NR2F1-AS1: variants seen among roughly 807,000 people sequenced by gnomAD.
NR2F1-AS1 encodes the protein NR2F1 antisense RNA 1.
At chr5:93,467,791 A>T (rs1210888191) in intron 4 of NR2F1-AS1, among the ~76,000 whole-genome samples, 2 of 152,144 alleles carry the variant, frequency 1.3e-5, no homozygotes, top group African/African-American at 4.8e-5. Flanking sequence ...CTCGTCATTT[A>T]TATTAGGTAT....
chr5:93,522,928 G>A (rs1751533191), intron 4 of NR2F1-AS1, among the ~76,000 whole-genome samples: 1 of 151,798 alleles, frequency 6.6e-6, no homozygotes, highest in African/African-American at 2.4e-5. Flanking sequence ...CGTTTGGGCA[G>A]ACACCAAGCT....
chr5:93,582,271 TAAAAA>T (rs752563970), upstream of NR2F1-AS1, among the ~76,000 whole-genome samples: 1 of 131,066 alleles, frequency 7.6e-6, no homozygotes, highest in Non-Finnish European at 1.7e-5. Flanking sequence ...AGCCAGGTGA[TAAAAA>T]AAAAAAAAAA....
upstream of NR2F1-AS1, chr5:93,584,626 G>C (rs1290370674): frequency 1.3e-5 from 2 of 148,540 alleles, no homozygotes; most frequent in African/African-American, 2.4e-5. Context: ...GCCGGGGGGT[G>C]GGGAGGGGGG....
In NR2F1-AS1 at chr5:93,500,469, G is replaced by GA. The variant is rs75891510; in HGVS notation, n.638+53291dup. On this transcript the variant is annotated intron_variant and non_coding_transcript_variant, in intron 4 of 5. Transcript: ENST00000660523. ...TTTCAATGAGACCCATTGCTCAGGG[G>GA]AAAAAAAAAAAGATTCCTCTCAAAA... Among the ~76,000 whole-genome samples, 179 of 143,830 alleles carry GA rather than the reference G, an allele frequency of 1.2e-3. 5 individuals carry two copies. In the South Asian group the frequency reaches 0.031, roughly 25 times the overall value. 94.4% of individuals were successfully genotyped at this position (143,830 alleles called of 152,430 possible). A position where few individuals can be genotyped will look rare whatever the true frequency, so the allele number is the denominator to read the frequency against.
At chr5:93,574,251 G>T (rs1432652773) in intron 1 of NR2F1-AS1, among the ~76,000 whole-genome samples, 1 of 152,206 alleles carries the variant, frequency 6.6e-6, no homozygotes, top group African/African-American at 2.4e-5. Context: ...GCCCCCGGGG[G>T]AGGAGGCACC....
upstream of NR2F1-AS1, among the ~76,000 whole-genome samples, chr5:93,582,044 C>T (rs1478925372): frequency 3.5e-5 from 5 of 141,932 alleles, no homozygotes; most frequent in Non-Finnish European, 7.7e-5. Flanking sequence ...GCTCTCCTCT[C>T]TCCTCTCTTT....
intron 4 of NR2F1-AS1, among the ~76,000 whole-genome samples, chr5:93,485,581 C>T (rs1750696030): frequency 6.6e-6 from 1 of 152,096 alleles, no homozygotes; most frequent in Non-Finnish European, 1.5e-5. Flanking sequence ...CATTCAAAAG[C>T]TAGCAGAAGA....
upstream of NR2F1-AS1, among the ~76,000 whole-genome samples, chr5:93,582,233 T>C (rs1404547648): frequency 6.8e-6 from 1 of 146,126 alleles, no homozygotes; most frequent in Non-Finnish European, 1.5e-5. Flanking sequence ...TTATTAATAA[T>C]GATTGAAGCA....
chr5:93,468,499 T>G (rs193290959), intron 4 of NR2F1-AS1, among the ~76,000 whole-genome samples: 63 of 152,328 alleles, frequency 4.1e-4, no homozygotes, highest in African/African-American at 1.4e-3. Flanking sequence ...ATGGGGTTGT[T>G]TTTTTCTTGT....
At chr5:93,490,664 A>T (rs1291140024) in intron 4 of NR2F1-AS1, among the ~76,000 whole-genome samples, 2 of 127,416 alleles carry the variant, frequency 1.6e-5, no homozygotes, top group East Asian at 4.7e-4. Flanking sequence ...TGGTGGTTGT[A>T]GTCATGGTGG....
chr5:93,471,263 C>A (rs570508888), intron 4 of NR2F1-AS1, among the ~76,000 whole-genome samples: 2 of 151,960 alleles, frequency 1.3e-5, no homozygotes, highest in East Asian at 3.9e-4. Flanking sequence ...TATGCATTGG[C>A]ACTTTTCTGG....
chr5:93,534,485 A>T (rs1213993968), intron 4 of NR2F1-AS1, among the ~76,000 whole-genome samples: 1 of 152,242 alleles, frequency 6.6e-6, no homozygotes, highest in African/African-American at 2.4e-5. Context: ...ATAACAAAAT[A>T]AAGGCATCCT....
chr5:93,514,447 G>C (rs1751361941), intron 4 of NR2F1-AS1, among the ~76,000 whole-genome samples: 1 of 152,060 alleles, frequency 6.6e-6, no homozygotes, highest in African/African-American at 2.4e-5. Context: ...CATTAAACAT[G>C]AAATTCATTC....
chr5:93,509,758 A>G (rs916625638), intron 4 of NR2F1-AS1, among the ~76,000 whole-genome samples: 2 of 151,984 alleles, frequency 1.3e-5, no homozygotes, highest in African/African-American at 2.4e-5. Flanking sequence ...ATTTTTCCCT[A>G]TTTAAAATTT....
At chr5:93,516,226 TAAG>T (rs1751399137) in intron 4 of NR2F1-AS1, among the ~76,000 whole-genome samples, 2 of 151,800 alleles carry the variant, frequency 1.3e-5, no homozygotes, top group South Asian at 4.1e-4. Context: ...GGTCAAAAGG[TAAG>T]ATTACAAGAC....
intron 1 of NR2F1-AS1, among the ~76,000 whole-genome samples, chr5:93,567,172 G>C (rs1752637937): frequency 6.6e-6 from 1 of 152,000 alleles, no homozygotes; most frequent in Non-Finnish European, 1.5e-5. Flanking sequence ...TATGTTATTT[G>C]ATCCTGAAAT....
intron 4 of NR2F1-AS1, among the ~76,000 whole-genome samples, chr5:93,545,736 C>G (rs1455640238): frequency 6.6e-6 from 1 of 152,210 alleles, no homozygotes; most frequent in Non-Finnish European, 1.5e-5. Flanking sequence ...ACCTACTCTT[C>G]TTTTGTTGTT....
intron 4 of NR2F1-AS1, among the ~76,000 whole-genome samples, chr5:93,426,312 T>C (rs1749194247): frequency 6.6e-6 from 1 of 151,986 alleles, no homozygotes; most frequent in Admixed American, 6.6e-5. Context: ...CCTCCCAAAG[T>C]GCTGGAATTA....
intron 4 of NR2F1-AS1, among the ~76,000 whole-genome samples, chr5:93,468,699 T>C (rs1750298771): frequency 6.6e-6 from 1 of 152,236 alleles, no homozygotes; most frequent in East Asian, 1.9e-4. Context: ...GCTTTTGGTG[T>C]TTTAGTCATG....
Sources: gnomAD v4.1 joint callset for allele counts (sites outside exome capture counted in the v4.1 genomes callset) on GRCh38, gnomAD v4.1.1 for gene constraint, MANE v1.5 for transcripts, NCBI Gene and HGNC (gene_info 2026-07-23, HGNC 2026-07-21) for gene names.